CHRNA4: variants seen among roughly 807,000 people sequenced by gnomAD.
CHRNA4 encodes the protein neuronal acetylcholine receptor subunit alpha-4.
CHRNA4 carries 28 observed loss-of-function variants against 48.9 expected under a neutral mutation model. The ratio of observed to expected loss-of-function variants is 0.57; its 90% CI spans 0.42 to 0.79. The LOEUF is 0.79. CHRNA4 is among the 30% of genes least tolerant of loss of function. CHRNA4 has a pLI of 0.00. For missense variants in CHRNA4, 859 were observed against 898.4 expected (o/e 0.96, Z 0.56); for synonymous variants, 425 against 402.3 (o/e 1.06, Z -0.68).
intron 4 of CHRNA4, among the ~76,000 whole-genome samples, chr20:63,353,668 T>TA: frequency 2.3e-5 from 1 of 43,574 alleles, no homozygotes; most frequent in Non-Finnish European, 4.2e-5. Context: ...GCTGTGGTCC[T>TA]GGGAGGGCTG....
At chr20:63,355,448 A>G in intron 4 of CHRNA4, 3 of 1,142,058 alleles carry the variant, frequency 2.6e-6, no homozygotes, top group Non-Finnish European at 3.5e-6. Flanking sequence ...GAGTATGCAG[A>G]GAAAGCAGAG....
At position 63,349,716 on chromosome 20, in the gene CHRNA4, G is replaced by A; in HGVS notation, c.1695C>T (p.Thr565=). The A allele has an allele frequency of 6.2e-7, 1 of 1,612,850 alleles. No individual in the cohort carries two copies. Among genetic ancestry groups the A allele is most frequent in the Non-Finnish European group, 8.5e-7 (1 of 1,179,880 alleles). The change falls in exon 5 of 6, where the codon ACC becomes ACT. Residue 565 remains threonine (T), a synonymous_variant. Transcript: ENST00000370263. Reference sequence around the variant, plus strand: ...TGTACTGGACGCCCTCCACCGCCCGGGTCAGGGCCGGCGACAGGGGCAGGT... The same window carrying A: ...TGTACTGGACGCCCTCCACCGCCCGAGTCAGGGCCGGCGACAGGGGCAGGT... The part of the protein sequence containing the change: ...PPHLPLSPAL[T]RAVEGVQYIA...
rs758321679 is a variant in CHRNA4 at position 63,345,672 on chromosome 20, A to C, written c.*1066T>G. On this transcript the variant is annotated 3_prime_UTR_variant, in exon 6 of 6. Transcript: ENST00000370263. The surrounding 1 kb of genome is among the most constrained non-coding windows in gnomAD (Gnocchi z 5.4). Reference sequence around the variant, plus strand: ...GGCTTCTCAGGGACTTCCTGCCCCGAGGGTCCCAGCATCTCCCAGGTGGAG... The same window carrying C: ...GGCTTCTCAGGGACTTCCTGCCCCGCGGGTCCCAGCATCTCCCAGGTGGAG... The C allele has an allele frequency of 1.1e-5, 5 of 453,724 alleles. No individual in the cohort carries two copies. The highest frequency in any genetic ancestry group is 1.8e-5 in the Non-Finnish European group (4 of 226,646). The allele number at this position is 453,724 out of a possible 1,614,324, so 28.1% of individuals were successfully genotyped here.
In CHRNA4 at chr20:63,349,746, G is replaced by A. The variant is rs199829902; in HGVS notation, c.1665C>T (p.Pro555=). The A allele has an allele frequency of 2.2e-4, 356 of 1,612,350 alleles. No individual in the cohort carries two copies. The highest frequency in any genetic ancestry group is 1.2e-4 in the Non-Finnish European group (137 of 1,179,560). ...TVKTRSTKAP[P]PHLPLSPALT... is the part of the protein sequence containing the mutation. ...GGGCCGGCGACAGGGGCAGGTGCGG[G>A]GGCGGCGCTTTGGTGCTGCGGGTCT... The change falls in exon 5 of 6, where the codon CCC becomes CCT. Residue 555 remains proline, a synonymous_variant. Transcript: ENST00000370263.
rs867121701 is a variant in CHRNA4 at position 63,353,133 on chromosome 20, C to T, written c.384-2106G>A. On this transcript the variant is annotated intron_variant, in intron 4 of 5. Coordinates refer to ENST00000370263, the MANE Select transcript of CHRNA4 (RefSeq NM_000744.7). The stretch of plus-strand genomic sequence containing the variant: ...AGGTCAGGGATTTCTGGGCACCTGC[C>T]CCAAGTGGACAGCAGGGCCCCCAAC... 3.3e-5 allele frequency among the ~76,000 whole-genome samples: 5 copies of T among 152,300 alleles called. No homozygotes were observed. In the East Asian group the frequency reaches 5.8e-4, roughly 18 times the overall value.
rs768292011 is a variant in CHRNA4 at position 63,349,765 on chromosome 20, C to A, written c.1646G>T (p.Arg549Leu). Residue 549 changes from arginine to leucine, a missense_variant, in exon 5 of 6, where the codon CGC becomes CTC. Around this residue, in one of 3 missense-constraint regions of CHRNA4, gnomAD observed 478 missense variants for 455.4 expected, o/e 1.05. Transcript: ENST00000370263. Reference sequence around the variant, plus strand: ...GTGCGGGGGCGGCGCTTTGGTGCTGCGGGTCTTGACCGTGGCGCTCGGGGA... The same window carrying A: ...GTGCGGGGGCGGCGCTTTGGTGCTGAGGGTCTTGACCGTGGCGCTCGGGGA... ...SVSPSATVKT[R>L]STKAPPPHLP... The A allele has an allele frequency of 1.2e-6, 2 of 1,611,322 alleles. No individual in the cohort carries two copies. The highest frequency in any genetic ancestry group is 1.7e-6 in the Non-Finnish European group (2 of 1,178,984).
rs1343836978 is a variant in CHRNA4, at chr20:63,361,074, G to A, written c.76+16C>T. ...ACGCGGGCGAAAGGGGGCCCATCCC[G>A]CGCCCCGTAACTTACCGCGCAGGAG... On this transcript the variant is annotated intron_variant, in intron 1 of 5. Transcript: ENST00000370263. 6 of 1,436,332 alleles carry A rather than the reference G, an allele frequency of 4.2e-6. No homozygotes were observed. Among genetic ancestry groups the A allele is most frequent in the South Asian group, 1.4e-5 (1 of 73,038 alleles). 89.0% of individuals were successfully genotyped at this position (1,436,332 alleles called of 1,614,324 possible).
intron 2 of CHRNA4, among the ~76,000 whole-genome samples, chr20:63,357,832 G>A (rs981209818): frequency 6.6e-6 from 1 of 152,204 alleles, no homozygotes; most frequent in Non-Finnish European, 1.5e-5. Flanking sequence ...TAAGTCCTTA[G>A]TCGGCTGCAG....
chr20:63,349,873 C>A lies in CHRNA4; in HGVS notation c.1538G>T (p.Arg513Leu). Residue 513 changes from arginine to leucine, a missense_variant, in exon 5 of 6, where the codon CGC becomes CTC. Arg to Leu is a moderately radical substitution (Grantham distance 102, BLOSUM62 -2). Around this residue, in one of 3 missense-constraint regions of CHRNA4, gnomAD observed 478 missense variants for 455.4 expected, o/e 1.05. Transcript: ENST00000370263. ...DGQAAGALAS[R>L]NTHSAELPPP... is the part of the protein sequence containing the mutation. ...TGGGAGCTCAGCCGAGTGGGTGTTG[C>A]GAGAGGCCAGGGCGCCGGCAGCCTG... 1 of 1,593,110 alleles carries A rather than the reference C, an allele frequency of 6.3e-7. No homozygotes were observed. The highest frequency in any genetic ancestry group is 1.1e-5 in the South Asian group (1 of 88,756).
At chr20:63,347,453 G>C (rs909960662) in intron 5 of CHRNA4, among the ~76,000 whole-genome samples, 1 of 152,226 alleles carries the variant, frequency 6.6e-6, no homozygotes, top group Non-Finnish European at 1.5e-5. Context: ...TTACATATCT[G>C]AACGGGGACA....
chr20:63,356,659 T>C (rs1490950486), intron 2 of CHRNA4: 3 of 585,094 alleles, frequency 5.1e-6, no homozygotes, highest in Non-Finnish European at 6.1e-6. Flanking sequence ...TGGAGAGGAG[T>C]CGGCGGCCTC....
At chr20:63,351,083 ACCCACG>A in intron 4 of CHRNA4, 56 bp from the exon 5 acceptor site, 28 of 1,455,476 alleles carry the variant, frequency 1.9e-5, no homozygotes, top group Non-Finnish European at 2.6e-5. Context: ...CCACGTCCAC[ACCCACG>A]CCCACTGCCA....
chr20:63,351,114 TCCACAC>T (rs1210914261), intron 4 of CHRNA4, 87 bp from the exon 5 acceptor site: 19 of 1,431,410 alleles, frequency 1.3e-5, no homozygotes, highest in Middle Eastern at 2.2e-4. Context: ...CATGCCCACG[TCCACAC>T]CCACACCCAC....
intron 2 of CHRNA4, 63 bp downstream of exon 2, chr20:63,359,485 G>C: frequency 1.9e-6 from 3 of 1,604,286 alleles, no homozygotes; most frequent in Non-Finnish European, 2.6e-6. Flanking sequence ...TGCCCACCCA[G>C]ACCCCTGTGC....
intron 2 of CHRNA4, among the ~76,000 whole-genome samples, chr20:63,358,401 C>T (rs6011783): frequency 0.096 from 14,677 of 152,260 alleles, 754 homozygotes; most frequent in Middle Eastern, 0.19. Flanking sequence ...ACGCACGGCA[C>T]CAGCCTCCCA....
chr20:63,352,541 C>T (rs1490532609), intron 4 of CHRNA4, among the ~76,000 whole-genome samples: 4 of 152,164 alleles, frequency 2.6e-5, no homozygotes, highest in East Asian at 1.9e-4. Flanking sequence ...GTCCCTCCAG[C>T]GGGGGGCGGG....
intron 5 of CHRNA4, 133 bp from the exon 6 acceptor site, chr20:63,346,996 G>A: frequency 7.5e-7 from 1 of 1,326,070 alleles, no homozygotes; most frequent in Non-Finnish European, 1.1e-6. Context: ...TGCTGCTGGT[G>A]CACGCGGCAC....
At chr20:63,357,259 C>A (rs1459412995) in intron 2 of CHRNA4, among the ~76,000 whole-genome samples, 1 of 147,716 alleles carries the variant, frequency 6.8e-6, no homozygotes, top group African/African-American at 2.5e-5. Context: ...CCCCACAGAC[C>A]ATGTCTCCGT....
intron 2 of CHRNA4, among the ~76,000 whole-genome samples, chr20:63,358,812 C>G (rs529154071): frequency 6.6e-6 from 1 of 152,332 alleles, no homozygotes; most frequent in Non-Finnish European, 1.5e-5. Context: ...GCCCCTTACC[C>G]GGCCCCTCCA....
Sources: allele counts gnomAD v4.1 joint callset (sites outside exome capture counted in the v4.1 genomes callset), GRCh38; gene constraint gnomAD v4.1.1; regional missense constraint gnomAD v4.1.1; non-coding constraint Gnocchi (gnomAD v3.1); transcripts MANE v1.5; gene names NCBI Gene and HGNC (gene_info 2026-07-23, HGNC 2026-07-21).